DENND1A: variants seen among roughly 807,000 people sequenced by gnomAD.
DENND1A encodes DENN domain containing 1A, also known as DENN domain-containing protein 1A.
In DENND1A, 51 loss-of-function variants were observed where a neutral mutation model predicts 113.7. That is an observed-to-expected ratio of 0.45 (90% CI 0.36 to 0.57). The LOEUF is 0.57. DENND1A is among the 20% of genes least tolerant of loss of function. The pLI is 0.00. For missense variants in DENND1A, 1,258 were observed against 1,395.9 expected, an observed-to-expected ratio of 0.90 and a Z score of 1.57; for synonymous variants, 565 against 570.8, an observed-to-expected ratio of 0.99 and a Z score of 0.14.
At chr9:123,430,429 C>A (rs952496116) in intron 19 of DENND1A, among the ~76,000 whole-genome samples, 4 of 152,144 alleles carry the variant, frequency 2.6e-5, no homozygotes, top group Non-Finnish European at 5.9e-5. Context: ...ATGGAGTCAA[C>A]CCAAATGCTC....
intron 19 of DENND1A, among the ~76,000 whole-genome samples, chr9:123,428,883 A>T (rs2045933668): frequency 6.6e-6 from 1 of 152,234 alleles, no homozygotes; most frequent in South Asian, 2.1e-4. Context: ...TGCTCAAGGA[A>T]ATAAGAGAGG....
At chr9:123,658,884 G>GA (rs775133097) in intron 8 of DENND1A, among the ~76,000 whole-genome samples, 5 of 152,194 alleles carry the variant, frequency 3.3e-5, no homozygotes, top group Admixed American at 1.3e-4. Context: ...CAATTTCTTA[G>GA]ATGGGCAGAG....
chr9:123,467,950 C>CT, intron 13 of DENND1A, among the ~76,000 whole-genome samples: 1 of 152,212 alleles, frequency 6.6e-6, no homozygotes, highest in Admixed American at 6.5e-5. Context: ...TCACTCCTGG[C>CT]TGCCTTCTTC....
At chr9:123,556,237 G>T (rs2057407241) in intron 13 of DENND1A, among the ~76,000 whole-genome samples, 1 of 152,166 alleles carries the variant, frequency 6.6e-6, no homozygotes, top group South Asian at 2.1e-4. Flanking sequence ...CAAAGCTCAG[G>T]CAGCCTAGAG....
chr9:123,907,353 G>A (rs1211745774), intron 1 of DENND1A, among the ~76,000 whole-genome samples: 2 of 151,598 alleles, frequency 1.3e-5, no homozygotes, highest in African/African-American at 4.9e-5. Context: ...TGGAAGTTCT[G>A]GCCAGGGCAA....
intron 13 of DENND1A, among the ~76,000 whole-genome samples, chr9:123,557,263 C>A (rs1181957633): frequency 6.6e-6 from 1 of 152,170 alleles, no homozygotes; most frequent in Non-Finnish European, 1.5e-5. Flanking sequence ...CACTGTGAAG[C>A]CCCAGGGAGA....
In DENND1A at chr9:123,743,356, G is replaced by A. The variant is rs111613559; in HGVS notation, c.302+14347C>T. On this transcript the variant is annotated intron_variant, in intron 5 of 23. Coordinates refer to ENST00000394215, the MANE Select transcript of DENND1A (RefSeq NM_001352964.2). ...GCAGAGGCTGCAGTGAGCCGAGATCGTGCCACTGCACTCCAGCCTGAGCGA... is the reference window on the plus strand; with the variant it reads ...GCAGAGGCTGCAGTGAGCCGAGATCATGCCACTGCACTCCAGCCTGAGCGA... 3.1e-3 allele frequency among the ~76,000 whole-genome samples: 466 copies of A among 150,138 alleles called. 2 individuals carry two copies. Among genetic ancestry groups the A allele is most frequent in the African/African-American group, 9.3e-3 (381 of 40,752 alleles).
At chr9:123,661,563 G>A (rs2063235875) in intron 8 of DENND1A, among the ~76,000 whole-genome samples, 1 of 152,180 alleles carries the variant, frequency 6.6e-6, no homozygotes, top group Non-Finnish European at 1.5e-5. Flanking sequence ...CCCCAAAATA[G>A]CCACACTAGT....
chr9:123,928,685 A>G (rs1857517599), intron 1 of DENND1A: 1 of 985,270 alleles, frequency 1.0e-6, no homozygotes, highest in African/African-American at 1.7e-5. Flanking sequence ...AAGCCTAACC[A>G]CACGGGGGAC....
At chr9:123,516,501 T>G (rs1405206040) in intron 13 of DENND1A, among the ~76,000 whole-genome samples, 1 of 152,076 alleles carries the variant, frequency 6.6e-6, no homozygotes, top group African/African-American at 2.4e-5. Flanking sequence ...ATTAAAACAA[T>G]TCATTTCTCT....
chr9:123,733,887 C>T (rs180694545), intron 5 of DENND1A, among the ~76,000 whole-genome samples: 105 of 152,162 alleles, frequency 6.9e-4, no homozygotes, highest in African/African-American at 2.5e-3. Flanking sequence ...AGGCTGGTCT[C>T]GAAGTCCTGA....
chr9:123,775,288 T>C (rs1349827904), intron 3 of DENND1A, among the ~76,000 whole-genome samples: 2 of 152,196 alleles, frequency 1.3e-5, no homozygotes, highest in Non-Finnish European at 1.5e-5. Flanking sequence ...CAGAATTCAG[T>C]GGTAATTCCT....
chr9:123,398,662 C>G (rs2043264414), intron 21 of DENND1A, among the ~76,000 whole-genome samples: 1 of 151,966 alleles, frequency 6.6e-6, no homozygotes, highest in African/African-American at 2.4e-5. Flanking sequence ...CAGGCGTGAG[C>G]CACCGCGCCC....
chr9:123,431,078 G>A (rs1223507607), intron 19 of DENND1A, among the ~76,000 whole-genome samples: 1 of 152,142 alleles, frequency 6.6e-6, no homozygotes, highest in Non-Finnish European at 1.5e-5. Flanking sequence ...AGCCATACCT[G>A]AAGCTAGCAT....
intron 3 of DENND1A, among the ~76,000 whole-genome samples, chr9:123,773,363 T>C (rs2148953): frequency 0.15 from 22,753 of 152,154 alleles, 2,929 homozygotes; most frequent in African/African-American, 0.35. Flanking sequence ...TCAGTCTACT[T>C]TGGATTCACT....
At chr9:123,561,874 CACAA>C (rs1305002908) in intron 12 of DENND1A, among the ~76,000 whole-genome samples, 1 of 152,100 alleles carries the variant, frequency 6.6e-6, no homozygotes, top group East Asian at 1.9e-4. Flanking sequence ...CCCTCCTTCC[CACAA>C]ACATTCTCCA....
At chr9:123,693,604 A>G (rs1237643658) in intron 5 of DENND1A, among the ~76,000 whole-genome samples, 1 of 151,716 alleles carries the variant, frequency 6.6e-6, no homozygotes, top group Non-Finnish European at 1.5e-5. Context: ...TTTAAGCTAC[A>G]CTGTATATTT....
chr9:123,699,322 A>G (rs1470676339), intron 5 of DENND1A, among the ~76,000 whole-genome samples: 1 of 152,254 alleles, frequency 6.6e-6, no homozygotes, highest in Admixed American at 6.5e-5. Context: ...AAAAATATGT[A>G]AAAAGCAAAT....
intron 2 of DENND1A, among the ~76,000 whole-genome samples, chr9:123,866,027 G>C (rs545437948): frequency 1.3e-5 from 2 of 152,318 alleles, no homozygotes; most frequent in East Asian, 3.9e-4. Flanking sequence ...ATTTTGGTCT[G>C]TGTATAAAAT....
Sources: gnomAD v4.1 joint callset for allele counts (sites outside exome capture counted in the v4.1 genomes callset) on GRCh38, gnomAD v4.1.1 for gene constraint, MANE v1.5 for transcripts, NCBI Gene and HGNC (gene_info 2026-07-23, HGNC 2026-07-21) for gene names.